Variants in SANBR observed in about 807,000 individuals in gnomAD.
The protein encoded by SANBR is SANT and BTB domain regulator of class switch recombination.
In SANBR, 77 loss-of-function variants were observed where a neutral mutation model predicts 101.8. The ratio of observed to expected loss-of-function variants is 0.76; its 90% CI spans 0.63 to 0.91. SANBR has a LOEUF of 0.91. SANBR is among the 40% of genes least tolerant of loss of function. The pLI, the probability that SANBR is intolerant of heterozygous loss-of-function variation, is 0.00. For missense variants in SANBR, 875 were observed against 853.0 expected, an observed-to-expected ratio of 1.03 and a Z score of -0.32; for synonymous variants, 279 against 274.7, an observed-to-expected ratio of 1.02 and a Z score of -0.15.
downstream of SANBR, among the ~76,000 whole-genome samples, chr2:61,126,334 G>A (rs1475641494): frequency 6.6e-6 from 1 of 152,112 alleles, no homozygotes; most frequent in Non-Finnish European, 1.5e-5. Flanking sequence ...ACCACCCCCA[G>A]TTATTAACAT....
In SANBR at chr2:61,123,587, T is replaced by G. The variant is rs924764735; in HGVS notation, c.*1425T>G. The G allele has an allele frequency of 9.2e-6, 9 of 973,712 alleles. No individual in the cohort carries two copies. The highest frequency in any genetic ancestry group is 1.8e-5 in the African/African-American group (1 of 56,898). The allele number at this position is 973,712 out of a possible 1,614,324, so 60.3% of individuals were successfully genotyped here. A position where few individuals can be genotyped will look rare whatever the true frequency, so the allele number is the denominator to read the frequency against. The stretch of plus-strand genomic sequence containing the variant: ...GTAAGTACTCTGTTAAATACCAGAG[T>G]TTTTTTTGTAGTTTACTGTGTTTTC... On this transcript the variant is annotated 3_prime_UTR_variant, in exon 22 of 22. Transcript: ENST00000402291.
At chr2:61,081,632 A>G in intron 7 of SANBR, 122 bp downstream of exon 7, 1 of 1,102,568 alleles carries the variant, frequency 9.1e-7, no homozygotes, top group East Asian at 3.1e-5. Flanking sequence ...ACAATTTAAA[A>G]AATTGTTAAT....
At chr2:61,079,365 T>G (rs1681966099) in intron 6 of SANBR, among the ~76,000 whole-genome samples, 1 of 152,208 alleles carries the variant, frequency 6.6e-6, no homozygotes, top group African/African-American at 2.4e-5. Flanking sequence ...ATCACACTTG[T>G]GGTTTAATAG....
intron 7 of SANBR, among the ~76,000 whole-genome samples, chr2:61,082,678 G>C (rs1488824345): frequency 6.6e-6 from 1 of 152,140 alleles, no homozygotes; most frequent in Non-Finnish European, 1.5e-5. Context: ...AATTAGCCAG[G>C]CGTGGTGGCG....
At chr2:61,087,030 A>G (rs1304545380) in intron 8 of SANBR, among the ~76,000 whole-genome samples, 1 of 152,206 alleles carries the variant, frequency 6.6e-6, no homozygotes, top group East Asian at 1.9e-4. Context: ...CAGTTATATT[A>G]TGCATAATAA....
chr2:61,130,684 C>G (rs533325654), intron 20 of SANBR, among the ~76,000 whole-genome samples: 1 of 151,316 alleles, frequency 6.6e-6, no homozygotes, highest in African/African-American at 2.4e-5. Flanking sequence ...CGTGGTGGCT[C>G]ACGCCTGTAA....
intron 11 of SANBR, among the ~76,000 whole-genome samples, chr2:61,096,360 T>C (rs1318618955): frequency 6.6e-6 from 1 of 152,038 alleles, no homozygotes; most frequent in Non-Finnish European, 1.5e-5. Context: ...CCATAGTATC[T>C]CTGAATCCAA....
intron 1 of SANBR, among the ~76,000 whole-genome samples, chr2:61,067,213 A>G (rs1681222592): frequency 6.6e-6 from 1 of 152,236 alleles, no homozygotes; most frequent in Non-Finnish European, 1.5e-5. Context: ...ATAAAGAGAA[A>G]GTCAACAGAA....
chr2:61,133,409 T>A (rs1258706974), intron 20 of SANBR, among the ~76,000 whole-genome samples: 1 of 152,146 alleles, frequency 6.6e-6, no homozygotes, highest in Non-Finnish European at 1.5e-5. Context: ...GCACTAAATG[T>A]CATTAAATTG....
At chr2:61,109,396 G>T (rs1573649795) in intron 16 of SANBR, 100 bp downstream of exon 16, 1 of 579,408 alleles carries the variant, frequency 1.7e-6, no homozygotes, top group Non-Finnish European at 2.9e-6. Flanking sequence ...TATATAGAGA[G>T]TAGGTTGCAA....
At chr2:61,106,166 T>G (rs1573643971) in intron 13 of SANBR, among the ~76,000 whole-genome samples, 1 of 151,626 alleles carries the variant, frequency 6.6e-6, no homozygotes, top group South Asian at 2.1e-4. Flanking sequence ...CCAAGGCGGG[T>G]GGATCACCTG....
chr2:61,087,627 G>T (rs1333998917), intron 8 of SANBR, among the ~76,000 whole-genome samples: 3 of 152,002 alleles, frequency 2.0e-5, no homozygotes, highest in Admixed American at 6.6e-5. Flanking sequence ...TGAGGTGGGC[G>T]GATCATGAGG....
chr2:61,106,701 A>G, intron 14 of SANBR, 39 bp downstream of exon 14: 2 of 1,176,510 alleles, frequency 1.7e-6, no homozygotes, highest in African/African-American at 1.6e-5. Flanking sequence ...ATTTACATAA[A>G]TAATTAATGA....
intron 5 of SANBR, among the ~76,000 whole-genome samples, chr2:61,074,696 A>G (rs1681666613): frequency 6.6e-6 from 1 of 152,048 alleles, no homozygotes; most frequent in Non-Finnish European, 1.5e-5. Flanking sequence ...GATCCACCGC[A>G]TCTGGCCATA....
At chr2:61,085,264 A>G (rs1440066208) in intron 8 of SANBR, among the ~76,000 whole-genome samples, 1 of 151,968 alleles carries the variant, frequency 6.6e-6, no homozygotes, top group African/African-American at 2.4e-5. Flanking sequence ...TGGTGAAGAC[A>G]TTGTCCTATG....
downstream of SANBR, among the ~76,000 whole-genome samples, chr2:61,126,589 T>G (rs1684520002): frequency 6.6e-6 from 1 of 151,794 alleles, no homozygotes; most frequent in Non-Finnish European, 1.5e-5. Context: ...GATCACGAGG[T>G]CAGGAGTTTG....
chr2:61,090,979 G>A (rs1272407977), intron 10 of SANBR, among the ~76,000 whole-genome samples: 1 of 150,688 alleles, frequency 6.6e-6, no homozygotes, highest in East Asian at 1.9e-4. Flanking sequence ...CACAATCTTG[G>A]ATCACTGCAG....
At position 61,076,998 on chromosome 2, in the gene SANBR, A is replaced by G. The variant is rs1283916293; in HGVS notation, c.510A>G (p.Ile170Met). ...EDFTCPRDLL[I>M]SEMKYFAEYL... ...TTACTTGCCCGCGAGATCTTTTGAT[A>G]TCAGAAATGAAGTACTTTGCTGAAT... is the stretch of plus-strand genomic sequence containing the variant. The change falls in exon 6 of 22, where the codon ATA (isoleucine) becomes ATG (methionine). Residue 170 changes from isoleucine (I) to methionine (M), a missense_variant. Coordinates refer to ENST00000402291, the MANE Select transcript of SANBR (RefSeq NM_001129993.3). The G allele has an allele frequency of 6.2e-7, 1 of 1,614,190 alleles. No homozygotes were observed. Among genetic ancestry groups the G allele is most frequent in the South Asian group, 1.1e-5 (1 of 91,084 alleles).
In SANBR at chr2:61,065,922, G is replaced by C. The variant is rs1203879772; in HGVS notation, c.-252G>C. 6.6e-6 allele frequency: 1 copy of C among 152,154 alleles called. No homozygotes were observed. Among genetic ancestry groups the C allele is most frequent in the Non-Finnish European group, 1.5e-5 (1 of 68,082 alleles). The allele number at this position is 152,154 out of a possible 1,614,324, so 9.4% of individuals were successfully genotyped here. ...CGGGGGCGGGGTGTGAGGCGCTGCG[G>C]ACGGGGTTGCGGGCTCGGTAGCGGC... On this transcript the variant is annotated 5_prime_UTR_variant, in exon 1 of 22. Coordinates refer to ENST00000402291, the MANE Select transcript of SANBR (RefSeq NM_001129993.3).
Sources: gnomAD v4.1 joint callset for allele counts (sites outside exome capture counted in the v4.1 genomes callset) on GRCh38, gnomAD v4.1.1 for gene constraint, MANE v1.5 for transcripts, NCBI Gene and HGNC (gene_info 2026-07-23, HGNC 2026-07-21) for gene names.